NRXN1: variants seen among roughly 807,000 people sequenced by gnomAD.
NRXN1 encodes neurexin-1.
In NRXN1, 39 loss-of-function variants were observed where a neutral mutation model predicts 150.9. The ratio of observed to expected loss-of-function variants is 0.26; its 90% CI spans 0.20 to 0.34. The LOEUF (loss-of-function observed/expected upper bound fraction) is 0.34, where lower values mean the gene tolerates loss of function less well. NRXN1 is among the 10% of genes least tolerant of loss of function. NRXN1 has a pLI of 1.00. For synonymous variants in NRXN1, 924 were observed against 757.0 expected, an observed-to-expected ratio of 1.22 and a Z score of -3.62; for missense variants, 1,815 against 1,949.9, an observed-to-expected ratio of 0.93 and a Z score of 1.30.
chr2:50,421,931 T>G (rs2084030537), intron 17 of NRXN1, among the ~76,000 whole-genome samples: 1 of 152,148 alleles, frequency 6.6e-6, no homozygotes. Flanking sequence ...AACCCTTCAG[T>G]GGAACTGCAT....
At chr2:50,936,913 G>T (rs537827821) in intron 2 of NRXN1, among the ~76,000 whole-genome samples, 9 of 152,134 alleles carry the variant, frequency 5.9e-5, no homozygotes, top group African/African-American at 2.2e-4. Flanking sequence ...AATACACTAA[G>T]AAACTACGAA....
intron 21 of NRXN1, among the ~76,000 whole-genome samples, chr2:50,030,968 T>C (rs1689089473): frequency 1.3e-5 from 2 of 152,036 alleles, no homozygotes; most frequent in Non-Finnish European, 2.9e-5. Context: ...GCTGAAGACA[T>C]AGGTAAATCT....
chr2:50,938,818 T>C (rs7607609), intron 2 of NRXN1, among the ~76,000 whole-genome samples: 2,786 of 152,278 alleles, frequency 0.018, 87 homozygotes, highest in African/African-American at 0.064. Context: ...TGTTCATTCC[T>C]CTGTATTAGG....
chr2:50,690,098 G>T (rs551063214), intron 5 of NRXN1, among the ~76,000 whole-genome samples: 1 of 152,156 alleles, frequency 6.6e-6, no homozygotes, highest in East Asian at 1.9e-4. Context: ...TGTTAGCAAG[G>T]CTGGTCTAGA....
chr2:50,219,481 T>C (rs1187983049), intron 18 of NRXN1, among the ~76,000 whole-genome samples: 2 of 151,944 alleles, frequency 1.3e-5, no homozygotes, highest in Admixed American at 1.3e-4. Flanking sequence ...TTATTGGCAA[T>C]GACAAAATCT....
chr2:50,084,698 TG>T (rs1181774651), intron 19 of NRXN1, among the ~76,000 whole-genome samples: 1 of 152,148 alleles, frequency 6.6e-6, no homozygotes, highest in Non-Finnish European at 1.5e-5. Flanking sequence ...CGTGGCTGAA[TG>T]GGCGCCGAGG....
intron 21 of NRXN1, among the ~76,000 whole-genome samples, chr2:49,985,141 A>T (rs1680681885): frequency 1.3e-5 from 2 of 152,156 alleles, no homozygotes; most frequent in African/African-American, 4.8e-5. Flanking sequence ...AGCAATATAT[A>T]CCTTTTGAAA....
chr2:50,853,699 T>C (rs1674855601), intron 5 of NRXN1, among the ~76,000 whole-genome samples: 1 of 152,100 alleles, frequency 6.6e-6, no homozygotes, highest in African/African-American at 2.4e-5. Flanking sequence ...CAACCATGCA[T>C]ATCCCTTACT....
chr2:50,661,188 T>G (rs1355871317), intron 5 of NRXN1, among the ~76,000 whole-genome samples: 1 of 151,978 alleles, frequency 6.6e-6, no homozygotes, highest in Non-Finnish European at 1.5e-5. Flanking sequence ...TCACAGCAAA[T>G]GGTGACAATT....
chr2:50,119,599 T>A lies in NRXN1; in HGVS notation c.3547-28105A>T, dbSNP rs563263633. On this transcript the variant is annotated intron_variant, in intron 18 of 22. Transcript: ENST00000401669. ...AAAAAACTATCATTTGAATGTAATA[T>A]GTGAAAAATGTTTCTTCCAGGTTGA... is the stretch of plus-strand genomic sequence containing the variant. Among the ~76,000 whole-genome samples, 21 of 151,894 alleles carry A rather than the reference T, an allele frequency of 1.4e-4. No homozygotes were observed. In the South Asian group the frequency reaches 3.1e-3, roughly 23 times the overall value.
intron 18 of NRXN1, among the ~76,000 whole-genome samples, chr2:50,132,970 G>C (rs1705770232): frequency 6.6e-6 from 1 of 151,306 alleles, no homozygotes; most frequent in African/African-American, 2.4e-5. Context: ...TGATGAGATA[G>C]AAAGGAGCTG....
At chr2:50,251,975 C>T (rs1330495140) in intron 17 of NRXN1, among the ~76,000 whole-genome samples, 5 of 151,972 alleles carry the variant, frequency 3.3e-5, no homozygotes, top group African/African-American at 9.7e-5. Context: ...TTCTCCTATT[C>T]TGCAGGTTGT....
intron 17 of NRXN1, among the ~76,000 whole-genome samples, chr2:50,448,935 G>T (rs1412638943): frequency 6.6e-6 from 1 of 152,164 alleles, no homozygotes; most frequent in Non-Finnish European, 1.5e-5. Context: ...TTCAGGAACA[G>T]CCTATGGAAA....
chr2:50,933,547 G>A (rs892731861), intron 2 of NRXN1, among the ~76,000 whole-genome samples: 1 of 152,048 alleles, frequency 6.6e-6, no homozygotes, highest in African/African-American at 2.4e-5. Context: ...TAGGAAAATA[G>A]TTTGTTCATA....
intron 5 of NRXN1, among the ~76,000 whole-genome samples, chr2:50,688,307 G>A (rs1195685194): frequency 1.3e-5 from 2 of 152,144 alleles, no homozygotes; most frequent in African/African-American, 4.8e-5. Context: ...ACCACCTGTT[G>A]TTAAAACATA....
intron 17 of NRXN1, among the ~76,000 whole-genome samples, chr2:50,353,211 T>C (rs141485243): frequency 2.2e-3 from 333 of 152,294 alleles, no homozygotes; most frequent in Non-Finnish European, 3.7e-3. Flanking sequence ...AAAAATTTCA[T>C]GTTTGGTGGC....
chr2:50,876,388 T>G (rs1264086393), intron 5 of NRXN1, among the ~76,000 whole-genome samples: 1 of 151,928 alleles, frequency 6.6e-6, no homozygotes, highest in Non-Finnish European at 1.5e-5. Flanking sequence ...TTGAAATATT[T>G]AAAAACACAA....
rs890399243 is a variant in NRXN1, at chr2:50,042,728, CA to C, written c.4128+10542del. 4.4e-3 allele frequency among the ~76,000 whole-genome samples: 647 copies of C among 146,102 alleles called. 8 individuals carry two copies. The highest frequency in any genetic ancestry group is 0.015 in the African/African-American group (615 of 39,782). ...AAGGTCTTGACTTTAAGATGCTTGT[CA>C]AAAAAAAAACTTAAGGTTATAATCT... On this transcript the variant is annotated intron_variant, in intron 21 of 22. Transcript: ENST00000401669.
chr2:50,548,312 C>T (rs750181060), intron 9 of NRXN1: 15 of 152,170 alleles, frequency 9.9e-5, no homozygotes, highest in Non-Finnish European at 1.8e-4. Flanking sequence ...TTTACACATT[C>T]GCTAACAATT....
Sources: gnomAD v4.1 joint callset for allele counts (sites outside exome capture counted in the v4.1 genomes callset) on GRCh38, gnomAD v4.1.1 for gene constraint, MANE v1.5 for transcripts, NCBI Gene and HGNC (gene_info 2026-07-23, HGNC 2026-07-21) for gene names.